RSRC1: variants seen among roughly 807,000 people sequenced by gnomAD.
The protein encoded by RSRC1 is arginine and serine rich coiled-coil 1.
A neutral mutation model predicts 49.1 loss-of-function variants in RSRC1; 39 were observed. The ratio of observed to expected loss-of-function variants is 0.79; its 90% CI spans 0.61 to 1.04. RSRC1 has a LOEUF of 1.04. RSRC1 is among the 50% of genes least tolerant of loss of function. The probability of loss-of-function intolerance (pLI) is 0.00; values close to 1 mark genes in which losing one functional copy is unlikely to be tolerated. For synonymous variants in RSRC1, 143 were observed against 130.8 expected (o/e 1.09, Z -0.63); for missense variants, 388 against 402.4 (o/e 0.96, Z 0.31).
At chr3:158,460,695 A>G (rs1737563856) in intron 6 of RSRC1, among the ~76,000 whole-genome samples, 6 of 151,860 alleles carry the variant, frequency 4.0e-5, no homozygotes, top group Admixed American at 3.9e-4. Context: ...GCTTAAATTC[A>G]TTTTCCCTTT....
intron 4 of RSRC1, among the ~76,000 whole-genome samples, chr3:158,279,711 A>T (rs1158640984): frequency 6.6e-6 from 1 of 152,252 alleles, no homozygotes; most frequent in African/African-American, 2.4e-5. Context: ...CTTTATGTGA[A>T]CTAGAATAAA....
Position 158,276,001 on chromosome 3 carries a change from G to A in RSRC1, c.495-22038G>A, listed in dbSNP as rs962462233. 7 of 813,004 alleles carry A rather than the reference G, an allele frequency of 8.6e-6. No individual in the cohort carries two copies. In the African/African-American group the frequency reaches 1.2e-4, roughly 14 times the overall value. 50.4% of individuals were successfully genotyped at this position (813,004 alleles called of 1,614,324 possible). A position where few individuals can be genotyped will look rare whatever the true frequency, so the allele number is the denominator to read the frequency against. On this transcript the variant is annotated intron_variant, in intron 4 of 9. Coordinates refer to ENST00000611884, the MANE Select transcript of RSRC1 (RefSeq NM_001271838.2). ...ATGGGTGTCAGGATTTCTTCTGATA[G>A]TATTATGGAATGGATTAATGAGGAT...
intron 6 of RSRC1, among the ~76,000 whole-genome samples, chr3:158,424,981 T>C (rs1735321192): frequency 1.3e-5 from 2 of 151,596 alleles, no homozygotes; most frequent in South Asian, 4.2e-4. Flanking sequence ...TTTTTCTTTA[T>C]TAGTCTTGCT....
chr3:158,110,780 A>C (rs1235931204), intron 1 of RSRC1, among the ~76,000 whole-genome samples: 1 of 152,168 alleles, frequency 6.6e-6, no homozygotes, highest in African/African-American at 2.4e-5. Flanking sequence ...AAATATAAAT[A>C]TGCTCGCCTT....
intron 4 of RSRC1, among the ~76,000 whole-genome samples, chr3:158,261,422 T>A (rs1724887753): frequency 6.6e-6 from 1 of 152,204 alleles, no homozygotes; most frequent in South Asian, 2.1e-4. Flanking sequence ...CTTGGTGAAG[T>A]GTGTGTTTAA....
chr3:158,486,364 C>T (rs1356352819), intron 7 of RSRC1, among the ~76,000 whole-genome samples: 1 of 152,102 alleles, frequency 6.6e-6, no homozygotes, highest in East Asian at 1.9e-4. Context: ...GGCAAAATCC[C>T]CTATCTCTTC....
At chr3:158,344,860 A>T (rs1296074373) in intron 5 of RSRC1, among the ~76,000 whole-genome samples, 6 of 152,182 alleles carry the variant, frequency 3.9e-5, no homozygotes, top group Non-Finnish European at 8.8e-5. Context: ...GGTAGTATAG[A>T]AGAAATGGTA....
intron 1 of RSRC1, among the ~76,000 whole-genome samples, chr3:158,119,944 T>C (rs1279636496): frequency 6.6e-6 from 1 of 151,276 alleles, no homozygotes. Context: ...GATTCTCCTG[T>C]CTCAGACTAC....
chr3:158,115,665 G>A (rs1714749880), intron 1 of RSRC1, among the ~76,000 whole-genome samples: 2 of 152,078 alleles, frequency 1.3e-5, no homozygotes, highest in Admixed American at 1.3e-4. Context: ...TGAGAAAAGT[G>A]GCCTATTTTC....
chr3:158,181,348 G>C (rs562394815), intron 3 of RSRC1, among the ~76,000 whole-genome samples: 75 of 152,310 alleles, frequency 4.9e-4, no homozygotes, highest in Admixed American at 2.9e-3. Flanking sequence ...TAGATGTGGA[G>C]TTCTGGACAC....
chr3:158,177,823 A>C (rs1439649774), intron 3 of RSRC1, among the ~76,000 whole-genome samples: 1 of 152,164 alleles, frequency 6.6e-6, no homozygotes, highest in African/African-American at 2.4e-5. Flanking sequence ...GGCCATTTGC[A>C]ATATAACTTT....
chr3:158,127,214 A>G (rs1227302521), intron 3 of RSRC1, among the ~76,000 whole-genome samples: 3 of 152,170 alleles, frequency 2.0e-5, no homozygotes, highest in East Asian at 1.9e-4. Context: ...TATGTCTTCA[A>G]ATAAGCTCTC....
At chr3:158,200,829 A>G (rs1721002233) in intron 3 of RSRC1, among the ~76,000 whole-genome samples, 2 of 152,160 alleles carry the variant, frequency 1.3e-5, no homozygotes, top group South Asian at 2.1e-4. Context: ...GTCTACTTTC[A>G]GTATAAACCT....
intron 7 of RSRC1, among the ~76,000 whole-genome samples, chr3:158,530,760 G>A (rs1420726359): frequency 6.6e-6 from 1 of 151,688 alleles, no homozygotes; most frequent in Admixed American, 6.6e-5. Flanking sequence ...GCAGAGACAG[G>A]GTTTAACCCA....
Position 158,526,164 on chromosome 3 carries a change from T to A in RSRC1, c.653-10928T>A, listed in dbSNP as rs145096784. On this transcript the variant is annotated intron_variant, in intron 7 of 9. Coordinates refer to ENST00000611884, the MANE Select transcript of RSRC1 (RefSeq NM_001271838.2). ...TACTCTGCTTTTAGAAAAGAGAAAT[T>A]AACATCATCTCACATCTTCTACCAT... Among the ~76,000 whole-genome samples the A allele has an allele frequency of 2.2e-4, 33 of 152,056 alleles. 1 individual carries two copies. In the East Asian group the frequency reaches 4.8e-3, roughly 22 times the overall value.
chr3:158,538,663 T>C (rs997389787), intron 8 of RSRC1, among the ~76,000 whole-genome samples: 2 of 151,970 alleles, frequency 1.3e-5, no homozygotes, highest in Non-Finnish European at 2.9e-5. Context: ...ATTGTTAATT[T>C]TTCCCTTTAA....
chr3:158,257,576 T>C (rs2108027187), intron 4 of RSRC1, among the ~76,000 whole-genome samples: 1 of 152,280 alleles, frequency 6.6e-6, no homozygotes, highest in South Asian at 2.1e-4. Flanking sequence ...TTGTGTGTTG[T>C]TTTTCTATCC....
intron 6 of RSRC1, among the ~76,000 whole-genome samples, chr3:158,432,408 G>C (rs1414779892): frequency 6.6e-6 from 1 of 151,800 alleles, no homozygotes; most frequent in Non-Finnish European, 1.5e-5. Flanking sequence ...GAGTCTATGG[G>C]GAGTTTTGCA....
intron 4 of RSRC1, among the ~76,000 whole-genome samples, chr3:158,211,204 G>A (rs545207995): frequency 1.8e-4 from 27 of 151,962 alleles, no homozygotes; most frequent in African/African-American, 6.3e-4. Flanking sequence ...GAGTTGTAGT[G>A]TAATGGAAGA....
Sources: gnomAD v4.1 joint callset for allele counts (sites outside exome capture counted in the v4.1 genomes callset) on GRCh38, gnomAD v4.1.1 for gene constraint, MANE v1.5 for transcripts, NCBI Gene and HGNC (gene_info 2026-07-23, HGNC 2026-07-21) for gene names.